The following TMEM175 variants were observed in gnomAD, a reference collection of about 807,000 sequenced individuals.
TMEM175 encodes the protein endosomal/lysosomal proton channel TMEM175.
TMEM175 carries 36 observed loss-of-function variants against 36.5 expected under a neutral mutation model. That is an observed-to-expected ratio of 0.99 (90% confidence interval 0.76 to 1.30). The LOEUF (loss-of-function observed/expected upper bound fraction) is 1.30, where lower values mean the gene tolerates loss of function less well. TMEM175 is among the 50% of genes most tolerant of loss of function. The pLI, the probability that TMEM175 is intolerant of heterozygous loss-of-function variation, is 0.00. For missense variants in TMEM175, 705 were observed against 692.8 expected, an observed-to-expected ratio of 1.02 and a Z score of -0.20; for synonymous variants, 339 against 313.4, an observed-to-expected ratio of 1.08 and a Z score of -0.86.
chr4:955,467 C>T lies in TMEM175; in HGVS notation c.690C>T (p.Cys230=). 1 of 1,613,996 alleles carries T rather than the reference C, an allele frequency of 6.2e-7. No homozygotes were observed. The highest frequency in any genetic ancestry group is 8.5e-7 in the Non-Finnish European group (1 of 1,179,930). ...LPYVSKVTGW[C]RDRLLGHREP... Reference sequence around the variant, plus strand: ...ATGTCAGCAAGGTCACCGGCTGGTGCAGAGACAGGCTCCTGGGTAGGTGAT... The same window carrying T: ...ATGTCAGCAAGGTCACCGGCTGGTGTAGAGACAGGCTCCTGGGTAGGTGAT... The change falls in exon 9 of 11, where the codon TGC becomes TGT. Residue 230 remains cysteine (C), a synonymous_variant. Coordinates refer to ENST00000264771, the MANE Select transcript of TMEM175 (RefSeq NM_032326.4).
chr4:940,523 T>C (rs1727319203), intron 1 of TMEM175, among the ~76,000 whole-genome samples: 1 of 151,954 alleles, frequency 6.6e-6, no homozygotes, highest in Non-Finnish European at 1.5e-5. Flanking sequence ...ACCAGAGATT[T>C]TTAGGGTGTT....
chr4:945,661 G>A (rs1004361000), intron 1 of TMEM175, among the ~76,000 whole-genome samples: 17 of 152,072 alleles, frequency 1.1e-4, no homozygotes, highest in Admixed American at 3.3e-4. Context: ...CTCTTCCTGC[G>A]GACCCTCTAG....
intron 1 of TMEM175, among the ~76,000 whole-genome samples, chr4:941,508 G>A (rs190088390): frequency 1.3e-5 from 2 of 149,124 alleles, no homozygotes; most frequent in African/African-American, 2.5e-5. Context: ...GCGTAATCTC[G>A]GCTCACGGCA....
At chr4:955,150 C>T (rs1729447630) in intron 8 of TMEM175, among the ~76,000 whole-genome samples, 1 of 152,172 alleles carries the variant, frequency 6.6e-6, no homozygotes, top group Non-Finnish European at 1.5e-5. Flanking sequence ...CTATGTTGCC[C>T]AGGCTGGTCT....
Position 932,776 on chromosome 4 carries a change from C to G in TMEM175, c.-32+236C>G, listed in dbSNP as rs932856331. On this transcript the variant is annotated intron_variant, in intron 1 of 10. Coordinates refer to ENST00000264771, the MANE Select transcript of TMEM175 (RefSeq NM_032326.4). This position sits in a 1 kb window ranked among gnomAD's most constrained non-coding sequence, Gnocchi z 4.0. Reference sequence around the variant, plus strand: ...TTCAGTAAATACTTGGTTTTCGTCTCATGGAGGTCGGAGTTTCCTGTGACG... The same window carrying G: ...TTCAGTAAATACTTGGTTTTCGTCTGATGGAGGTCGGAGTTTCCTGTGACG... 6.6e-6 allele frequency among the ~76,000 whole-genome samples: 1 copy of G among 152,244 alleles called. No individual in the cohort carries two copies. The highest frequency in any genetic ancestry group is 2.4e-5 in the African/African-American group (1 of 41,458).
intron 6 of TMEM175, 50 bp from the exon 7 acceptor site, chr4:952,317 C>T: frequency 6.5e-7 from 1 of 1,547,004 alleles, no homozygotes. Context: ...GGCTCTGGGG[C>T]CTGGTAACCT....
At chr4:955,951 C>A in intron 10 of TMEM175, 61 bp downstream of exon 10, 8 of 1,579,702 alleles carry the variant, frequency 5.1e-6, no homozygotes, top group Non-Finnish European at 6.1e-6. Context: ...GAGTCCCTGG[C>A]GTCTCATCCT....
At chr4:956,220 C>A (rs1729614428) in intron 10 of TMEM175, 2 of 1,006,812 alleles carry the variant, frequency 2.0e-6, no homozygotes, top group Non-Finnish European at 2.6e-6. Context: ...TATCCCCCTG[C>A]CCCAGGCCTC....
intron 1 of TMEM175, among the ~76,000 whole-genome samples, chr4:935,169 T>C (rs551805274): frequency 6.6e-6 from 1 of 152,332 alleles, no homozygotes; most frequent in South Asian, 2.1e-4. Context: ...CTAAACCTTG[T>C]AATCACTTTG....
intron 1 of TMEM175, among the ~76,000 whole-genome samples, chr4:944,156 G>C (rs1264600045): frequency 6.6e-6 from 1 of 152,204 alleles, no homozygotes; most frequent in Non-Finnish European, 1.5e-5. Context: ...AGCCAGGCAT[G>C]GTGGCTGGTG....
chr4:945,028 A>T (rs1727956011), intron 1 of TMEM175, among the ~76,000 whole-genome samples: 1 of 152,130 alleles, frequency 6.6e-6, no homozygotes. Context: ...ACTTGAGCCT[A>T]GGAGGTCGAG....
At chr4:956,884 T>C in intron 10 of TMEM175, 1 of 171,340 alleles carries the variant, frequency 5.8e-6, no homozygotes, top group Non-Finnish European at 1.2e-5. Flanking sequence ...CGAGTCCAAG[T>C]CTCCTGATGC....
chr4:955,615 C>A, intron 9 of TMEM175, 132 bp downstream of exon 9: 1 of 1,446,592 alleles, frequency 6.9e-7, no homozygotes, highest in Non-Finnish European at 9.4e-7. Context: ...CCCCACTCCG[C>A]CCCTCGGGCG....
At chr4:946,202 GTC>G (rs1728120778) in intron 1 of TMEM175, 1 of 152,378 alleles carries the variant, frequency 6.6e-6, no homozygotes, top group Admixed American at 6.5e-5. Flanking sequence ...CATGCTGTGT[GTC>G]TCCTGGGATG....
chr4:949,614 C>T (rs757115905), intron 3 of TMEM175, among the ~76,000 whole-genome samples: 1 of 151,762 alleles, frequency 6.6e-6, no homozygotes, highest in Non-Finnish European at 1.5e-5. Flanking sequence ...AAGTTATTGA[C>T]CCAGAGACCT....
chr4:950,875 TGGA>T (rs1728799407), intron 4 of TMEM175, among the ~76,000 whole-genome samples: 1 of 136,842 alleles, frequency 7.3e-6, no homozygotes, highest in Non-Finnish European at 1.6e-5. Flanking sequence ...GTGCAGTAGG[TGGA>T]GGTGTGGATG....
rs1404424273 is a variant in TMEM175, at chr4:947,874, C to T, written c.135C>T (p.Ser45=). 2.5e-6 allele frequency: 4 copies of T among 1,613,780 alleles called. No individual in the cohort carries two copies. In the East Asian group the frequency reaches 8.9e-5, roughly 36 times the overall value. ...TCAGCTTCAGTGACGCCCTGCTGTC[C>T]ATCATCGCCACCGTCATGGTCTGTA... ...RMLSFSDALL[S]IIATVMILPV... is the part of the protein sequence containing the mutation. Residue 45 remains serine, a synonymous_variant, in exon 2 of 11, where the codon TCC becomes TCT. Transcript: ENST00000264771.
At chr4:947,071 C>T (rs1322658738) in intron 1 of TMEM175, among the ~76,000 whole-genome samples, 30 of 138,210 alleles carry the variant, frequency 2.2e-4, no homozygotes, top group African/African-American at 4.7e-4. Context: ...AGGGAGAGCG[C>T]GGCCCCTGTA....
chr4:944,661 TA>T (rs1211757141), intron 1 of TMEM175, among the ~76,000 whole-genome samples: 1 of 152,248 alleles, frequency 6.6e-6, no homozygotes, highest in Non-Finnish European at 1.5e-5. Context: ...AATGGTACAA[TA>T]GTATGGTTTT....
Sources: allele counts gnomAD v4.1 joint callset (sites outside exome capture counted in the v4.1 genomes callset), GRCh38; gene constraint gnomAD v4.1.1; non-coding constraint Gnocchi (gnomAD v3.1); transcripts MANE v1.5; gene names NCBI Gene and HGNC (gene_info 2026-07-23, HGNC 2026-07-21).